Variants in GRIA4 observed in about 807,000 individuals in gnomAD.
GRIA4 encodes glutamate ionotropic receptor AMPA type subunit 4, also known as glutamate receptor 4.
A neutral mutation model predicts 104.0 loss-of-function variants in GRIA4; 34 were observed. That is an observed-to-expected ratio of 0.33 (90% CI 0.25 to 0.44). GRIA4 has a LOEUF of 0.44. Ranked by LOEUF, GRIA4 falls within the 20% of genes least tolerant of loss-of-function variation. The pLI is 1.00. For missense variants in GRIA4, 750 were observed against 1,096.5 expected (o/e 0.68, Z 4.46); for synonymous variants, 386 against 381.9 (o/e 1.01, Z -0.13).
At chr11:105,727,681 G>A (rs969529798) in intron 3 of GRIA4, among the ~76,000 whole-genome samples, 9 of 152,108 alleles carry the variant, frequency 5.9e-5, no homozygotes, top group Non-Finnish European at 8.8e-5. Flanking sequence ...AGATCTCTAC[G>A]CAGAAACCCT....
chr11:105,800,647 T>A (rs1942681482), intron 4 of GRIA4, among the ~76,000 whole-genome samples: 1 of 152,088 alleles, frequency 6.6e-6, no homozygotes, highest in Non-Finnish European at 1.5e-5. Flanking sequence ...TCTGAATGAA[T>A]AAGAAGTCAA....
At chr11:105,767,430 G>A (rs1448562604) in intron 4 of GRIA4, among the ~76,000 whole-genome samples, 1 of 152,082 alleles carries the variant, frequency 6.6e-6, no homozygotes, top group East Asian at 1.9e-4. Context: ...CTAAAAAGGA[G>A]GGGAAATCTC....
intron 3 of GRIA4, among the ~76,000 whole-genome samples, chr11:105,701,602 G>C (rs1953495439): frequency 6.6e-6 from 1 of 152,084 alleles, no homozygotes; most frequent in Admixed American, 6.6e-5. Flanking sequence ...TTAAAGTATT[G>C]GCTGTTACTT....
At chr11:105,654,563 G>C (rs766713350) in intron 3 of GRIA4, among the ~76,000 whole-genome samples, 13 of 151,854 alleles carry the variant, frequency 8.6e-5, no homozygotes, top group Non-Finnish European at 1.8e-4. Context: ...TCTTATCCTA[G>C]CTTTTTGGGT....
intron 14 of GRIA4, among the ~76,000 whole-genome samples, chr11:105,938,471 C>A (rs1948105871): frequency 6.6e-6 from 1 of 152,142 alleles, no homozygotes; most frequent in Non-Finnish European, 1.5e-5. Flanking sequence ...AAACTTTTAA[C>A]ATGCGTTGTG....
At chr11:105,825,758 G>C (rs988434387) in intron 4 of GRIA4, among the ~76,000 whole-genome samples, 1 of 152,000 alleles carries the variant, frequency 6.6e-6, no homozygotes, top group Non-Finnish European at 1.5e-5. Flanking sequence ...TTAGGTTTGT[G>C]AGACACTAAA....
intron 3 of GRIA4, among the ~76,000 whole-genome samples, chr11:105,698,363 T>C (rs745466029): frequency 1.3e-4 from 20 of 152,182 alleles, no homozygotes; most frequent in Admixed American, 4.6e-4. Flanking sequence ...ATGAAAAACA[T>C]GGCATCTTTT....
At chr11:105,689,925 T>A (rs1953024983) in intron 3 of GRIA4, among the ~76,000 whole-genome samples, 1 of 152,318 alleles carries the variant, frequency 6.6e-6, no homozygotes, top group East Asian at 1.9e-4. Context: ...CTTTGAAGCT[T>A]AGTCCATCTC....
chr11:105,888,110 C>G (rs2136101163), intron 6 of GRIA4, among the ~76,000 whole-genome samples: 1 of 152,048 alleles, frequency 6.6e-6, no homozygotes, highest in Admixed American at 6.6e-5. Flanking sequence ...TTTTAGATAT[C>G]TTGGCAAGGC....
At chr11:105,931,695 A>C (rs1947880922) in intron 13 of GRIA4, among the ~76,000 whole-genome samples, 1 of 151,654 alleles carries the variant, frequency 6.6e-6, no homozygotes, top group African/African-American at 2.4e-5. Context: ...ACAGAGCAAG[A>C]CTCCATCTGC....
intron 4 of GRIA4, among the ~76,000 whole-genome samples, chr11:105,830,716 C>T (rs1373581470): frequency 6.6e-6 from 1 of 152,044 alleles, no homozygotes; most frequent in East Asian, 1.9e-4. Flanking sequence ...AGGCATAACA[C>T]ATAAAAGGAT....
chr11:105,951,172 A>G (rs1948446534), intron 14 of GRIA4, among the ~76,000 whole-genome samples: 1 of 152,208 alleles, frequency 6.6e-6, no homozygotes, highest in Non-Finnish European at 1.5e-5. Flanking sequence ...GGACCATGGA[A>G]TGGAATTCTG....
At chr11:105,877,557 G>A (rs1193394706) in intron 5 of GRIA4, among the ~76,000 whole-genome samples, 1 of 152,176 alleles carries the variant, frequency 6.6e-6, no homozygotes, top group East Asian at 1.9e-4. Flanking sequence ...ATCAAATGTA[G>A]GTTTGGTCTT....
intron 7 of GRIA4, among the ~76,000 whole-genome samples, chr11:105,900,615 C>G (rs1012042115): frequency 6.6e-6 from 1 of 151,988 alleles, no homozygotes; most frequent in South Asian, 2.1e-4. Flanking sequence ...GAGACAGAGT[C>G]TCTCTCCGTC....
intron 3 of GRIA4, among the ~76,000 whole-genome samples, chr11:105,662,426 G>A (rs1287964654): frequency 6.6e-6 from 1 of 151,768 alleles, no homozygotes; most frequent in Non-Finnish European, 1.5e-5. Flanking sequence ...GAAAGGCATG[G>A]AAACAGATAC....
intron 3 of GRIA4, among the ~76,000 whole-genome samples, chr11:105,713,856 A>C (rs984097444): frequency 6.6e-6 from 1 of 152,198 alleles, no homozygotes; most frequent in African/African-American, 2.4e-5. Flanking sequence ...AATTAACAAC[A>C]GACCCAGAGG....
At chr11:105,651,750 C>T (rs1951692531) in intron 3 of GRIA4, among the ~76,000 whole-genome samples, 2 of 151,860 alleles carry the variant, frequency 1.3e-5, no homozygotes, top group African/African-American at 2.4e-5. Flanking sequence ...TATATAGTAA[C>T]ATTTGTAGTA....
chr11:105,741,627 A>G (rs1378185151), intron 3 of GRIA4, among the ~76,000 whole-genome samples: 6 of 151,856 alleles, frequency 4.0e-5, no homozygotes, highest in Non-Finnish European at 8.8e-5. Flanking sequence ...CTAGAAATCA[A>G]CTCCTCATAA....
intron 3 of GRIA4, among the ~76,000 whole-genome samples, chr11:105,679,665 A>C (rs1952648223): frequency 6.6e-6 from 1 of 152,198 alleles, no homozygotes. Flanking sequence ...ATATGACAAG[A>C]GAATAAGAAC....
Sources: allele counts gnomAD v4.1 joint callset (sites outside exome capture counted in the v4.1 genomes callset), GRCh38; gene constraint gnomAD v4.1.1; transcripts MANE v1.5; gene names NCBI Gene and HGNC (gene_info 2026-07-23, HGNC 2026-07-21).